Variants in FRMD5 observed in about 807,000 individuals in gnomAD.
The protein encoded by FRMD5 is FERM domain-containing protein 5.
A neutral mutation model predicts 69.0 loss-of-function variants in FRMD5; 20 were observed. The observed-to-expected ratio is 0.29, with a 90% CI of 0.20 to 0.42. FRMD5 has a LOEUF of 0.42. Among genes scored for constraint, FRMD5 ranks in the 10% least tolerant of loss-of-function variants. The pLI is 1.00. For synonymous variants in FRMD5, 271 were observed against 260.1 expected, an observed-to-expected ratio of 1.04 and a Z score of -0.40; for missense variants, 595 against 708.6, an observed-to-expected ratio of 0.84 and a Z score of 1.82.
At chr15:44,143,924 C>CAAAAAAAAAA (rs58823511) in intron 1 of FRMD5, among the ~76,000 whole-genome samples, 1 of 92,698 alleles carries the variant, frequency 1.1e-5, no homozygotes, top group Non-Finnish European at 2.0e-5. Context: ...ACTCTGTCAC[C>CAAAAAAAAAA]AAAAAAAAAA....
chr15:43,875,840 CATATGA>C, intron 13 of FRMD5: 3 of 148,974 alleles, frequency 2.0e-5, no homozygotes, highest in East Asian at 1.2e-4. Context: ...TTCAGTCTTT[CATATGA>C]TTTTATTTTC....
intron 1 of FRMD5, among the ~76,000 whole-genome samples, chr15:44,052,469 C>G (rs1422358738): frequency 2.0e-5 from 3 of 152,188 alleles, no homozygotes; most frequent in African/African-American, 4.8e-5. Context: ...GTATTCGAAT[C>G]TAAGAGCCAA....
chr15:43,904,960 G>T (rs1449198678), intron 6 of FRMD5, among the ~76,000 whole-genome samples: 1 of 151,982 alleles, frequency 6.6e-6, no homozygotes, highest in Non-Finnish European at 1.5e-5. Flanking sequence ...GGTATGGGGG[G>T]GGCCTGAGTC....
At chr15:43,950,716 C>G (rs184173091) in intron 1 of FRMD5, among the ~76,000 whole-genome samples, 1 of 152,186 alleles carries the variant, frequency 6.6e-6, no homozygotes. Context: ...GACAATAAGG[C>G]ACAGCTGGGA....
At chr15:44,131,522 T>G (rs574817032) in intron 1 of FRMD5, among the ~76,000 whole-genome samples, 1 of 152,228 alleles carries the variant, frequency 6.6e-6, no homozygotes, top group East Asian at 1.9e-4. Flanking sequence ...ACACAATAGC[T>G]AAAACATGAA....
At chr15:44,114,824 A>G (rs1318287527) in intron 1 of FRMD5, among the ~76,000 whole-genome samples, 2 of 152,230 alleles carry the variant, frequency 1.3e-5, no homozygotes, top group East Asian at 1.9e-4. Context: ...AAGAAGCAAT[A>G]AAGAGAAAAG....
chr15:44,028,069 T>A (rs1242212956), intron 1 of FRMD5, among the ~76,000 whole-genome samples: 3 of 152,112 alleles, frequency 2.0e-5, no homozygotes, highest in Admixed American at 2.0e-4. Context: ...ACTCCTCTCA[T>A]AGGAGGTGTT....
In FRMD5 at chr15:44,000,118, AG is replaced by A. The variant is rs1483337581; in HGVS notation, c.103-75810del. Among the ~76,000 whole-genome samples, 3 of 151,418 alleles carry A rather than the reference AG, an allele frequency of 2.0e-5. No homozygotes were observed. The East Asian group carries it at 5.9e-4, about 30-fold the overall frequency. ...GCCATGCTTCTGCCTCAGCTTCCCT[AG>A]TAGCTAGGACTATAGGCATGCACCA... On this transcript the variant is annotated intron_variant, in intron 1 of 13. Coordinates refer to ENST00000417257, the MANE Select transcript of FRMD5 (RefSeq NM_032892.5).
At chr15:44,073,998 G>C (rs538935641) in intron 1 of FRMD5, among the ~76,000 whole-genome samples, 1 of 152,166 alleles carries the variant, frequency 6.6e-6, no homozygotes, top group African/African-American at 2.4e-5. Flanking sequence ...TTCTTAAAAA[G>C]GAGCCAAGAA....
At chr15:43,933,854 G>C (rs1005018330) in intron 1 of FRMD5, among the ~76,000 whole-genome samples, 1 of 152,174 alleles carries the variant, frequency 6.6e-6, no homozygotes, top group Non-Finnish European at 1.5e-5. Context: ...CTATGAACTA[G>C]ATCATCAGAA....
At chr15:44,114,120 T>A (rs939310689) in intron 1 of FRMD5, among the ~76,000 whole-genome samples, 4 of 151,980 alleles carry the variant, frequency 2.6e-5, no homozygotes, top group Non-Finnish European at 4.4e-5. Flanking sequence ...TATAAAGACG[T>A]AACCTAATGA....
intron 13 of FRMD5, among the ~76,000 whole-genome samples, chr15:43,878,307 T>C (rs2088421688): frequency 6.6e-6 from 1 of 152,214 alleles, no homozygotes; most frequent in Non-Finnish European, 1.5e-5. Context: ...AGTTGCAGTT[T>C]CTAAAGACCC....
intron 1 of FRMD5, among the ~76,000 whole-genome samples, chr15:44,056,336 C>A (rs145496338): frequency 6.6e-6 from 1 of 152,066 alleles, no homozygotes; most frequent in Admixed American, 6.6e-5. Context: ...GAGAGTAGGG[C>A]AAATACAGTG....
At chr15:44,076,635 A>T (rs1328701467) in intron 1 of FRMD5, among the ~76,000 whole-genome samples, 2 of 76,198 alleles carry the variant, frequency 2.6e-5, no homozygotes, top group Admixed American at 1.8e-4. Context: ...GGGTGGGGGG[A>T]GGGGGGAGGG....
intron 1 of FRMD5, among the ~76,000 whole-genome samples, chr15:43,924,808 A>G (rs564860205): frequency 6.6e-6 from 1 of 152,260 alleles, no homozygotes; most frequent in Non-Finnish European, 1.5e-5. Context: ...CTTTCAGTCC[A>G]TTCTCCGCAC....
At chr15:43,922,955 C>G (rs919187286) in intron 2 of FRMD5, among the ~76,000 whole-genome samples, 4 of 152,146 alleles carry the variant, frequency 2.6e-5, no homozygotes, top group Non-Finnish European at 4.4e-5. Flanking sequence ...CAGGCATGAG[C>G]CAGTGCACAC....
intron 1 of FRMD5, among the ~76,000 whole-genome samples, chr15:43,988,159 T>C (rs1338437520): frequency 6.6e-6 from 1 of 152,026 alleles, no homozygotes; most frequent in Non-Finnish European, 1.5e-5. Context: ...AAGCTTCTCT[T>C]GCCCCCCCAC....
intron 1 of FRMD5, among the ~76,000 whole-genome samples, chr15:44,044,275 A>G (rs957454797): frequency 1.3e-5 from 2 of 152,122 alleles, no homozygotes; most frequent in Non-Finnish European, 2.9e-5. Flanking sequence ...GAAACAAGAG[A>G]TGCTGGAGAG....
At chr15:44,058,743 G>C (rs1289967625) in intron 1 of FRMD5, among the ~76,000 whole-genome samples, 2 of 143,880 alleles carry the variant, frequency 1.4e-5, no homozygotes, top group African/African-American at 5.1e-5. Flanking sequence ...CCGAGATTGC[G>C]CCACTGCACT....
Sources: allele counts gnomAD v4.1 joint callset (sites outside exome capture counted in the v4.1 genomes callset), GRCh38; gene constraint gnomAD v4.1.1; transcripts MANE v1.5; gene names NCBI Gene and HGNC (gene_info 2026-07-23, HGNC 2026-07-21).